ABL1: variants seen among roughly 807,000 people sequenced by gnomAD.
ABL1 encodes tyrosine-protein kinase ABL1.
ABL1 carries 11 observed loss-of-function variants against 94.7 expected under a neutral mutation model. That is an observed-to-expected ratio of 0.12 (90% CI 0.07 to 0.19). The LOEUF (loss-of-function observed/expected upper bound fraction) is 0.19, where lower values mean the gene tolerates loss of function less well. Among genes scored for constraint, ABL1 ranks in the 10% least tolerant of loss-of-function variants. ABL1 has a pLI of 1.00. For synonymous variants in ABL1, 656 were observed against 622.4 expected (o/e 1.05, Z -0.80); for missense variants, 1,082 against 1,489.4 (o/e 0.73, Z 4.50).
At chr9:130,854,369 A>C in intron 2 of ABL1, 132 bp downstream of exon 2, 2 of 1,026,162 alleles carry the variant, frequency 1.9e-6, no homozygotes, top group African/African-American at 1.6e-5. Context: ...CAAAACAACA[A>C]CTGCATGTTT....
intron 1 of ABL1, among the ~76,000 whole-genome samples, chr9:130,764,680 A>G (rs972203365): frequency 6.6e-6 from 1 of 152,210 alleles, no homozygotes; most frequent in Non-Finnish European, 1.5e-5. Context: ...GTAAAAGGCC[A>G]GGCACAGTGG....
intron 1 of ABL1, chr9:130,724,747 TAAAAAAAA>T (rs34124679): frequency 3.2e-5 from 10 of 309,618 alleles, no homozygotes; most frequent in South Asian, 1.7e-4. Context: ...ACCCTGTCTT[TAAAAAAAA>T]AAAAAAAAAA....
chr9:130,744,669 G>A (rs1207122374), intron 1 of ABL1, among the ~76,000 whole-genome samples: 1 of 150,312 alleles, frequency 6.7e-6, no homozygotes, highest in African/African-American at 2.4e-5. Flanking sequence ...TGGCTAATGT[G>A]ATGAAATGCC....
intron 1 of ABL1, among the ~76,000 whole-genome samples, chr9:130,750,414 TCCC>T (rs1831946388): frequency 3.3e-4 from 5 of 15,112 alleles, no homozygotes; most frequent in African/African-American, 6.1e-4. Context: ...CCTCCCTCCC[TCCC>T]TCCCTCCCTC....
At chr9:130,715,155 A>G (rs1831421938) in intron 1 of ABL1, among the ~76,000 whole-genome samples, 1 of 152,152 alleles carries the variant, frequency 6.6e-6, no homozygotes, top group South Asian at 2.1e-4. Context: ...CATTTTTATG[A>G]ACATATTTGG....
At chr9:130,713,145 C>T (rs1311491296) in exon 1 of ABL1, among the ~76,000 whole-genome samples, 1 of 152,176 alleles carries the variant, frequency 6.6e-6, no homozygotes, top group African/African-American at 2.4e-5. Flanking sequence ...CCGCTGTCCA[C>T]GGCCCCTACC....
At chr9:130,717,953 A>G (rs1831465027) in intron 1 of ABL1, among the ~76,000 whole-genome samples, 2 of 150,092 alleles carry the variant, frequency 1.3e-5, no homozygotes, top group East Asian at 2.0e-4. Flanking sequence ...CGGAGGTTGC[A>G]TTGAGACGAG....
At chr9:130,713,991 C>G in exon 1 of ABL1, 1 of 268,610 alleles carries the variant, frequency 3.7e-6, no homozygotes, top group Non-Finnish European at 7.1e-6. Flanking sequence ...TTCAGCATCC[C>G]CTGTGAATAT....
chr9:130,809,381 TGAGAG>T (rs1367913782), intron 1 of ABL1, among the ~76,000 whole-genome samples: 1 of 132,578 alleles, frequency 7.5e-6, no homozygotes, highest in African/African-American at 2.9e-5. Context: ...TGAAGGTTCT[TGAGAG>T]AGAGAGAGAG....
intron 1 of ABL1, among the ~76,000 whole-genome samples, chr9:130,846,904 T>G (rs1429092659): frequency 1.3e-5 from 2 of 152,252 alleles, no homozygotes; most frequent in Non-Finnish European, 2.9e-5. Context: ...TCAATTTTAC[T>G]TTAAAGACCC....
chr9:130,835,949 A>C lies in ABL1; in HGVS notation c.79+424A>C, dbSNP rs1830574699. 6.6e-6 allele frequency among the ~76,000 whole-genome samples: 1 copy of C among 152,176 alleles called. No homozygotes were observed. ...CAGGCCTTAACATCCCTGGGATCCC[A>C]CGTTGTGGAATTTCCACCGTTAATT... On this transcript the variant is annotated intron_variant, in intron 1 of 10. Transcript: ENST00000318560. This position sits in a 1 kb window ranked among gnomAD's most constrained non-coding sequence, Gnocchi z 4.6.
chr9:130,846,699 C>A (rs148199847), intron 1 of ABL1, among the ~76,000 whole-genome samples: 2 of 152,232 alleles, frequency 1.3e-5, no homozygotes, highest in African/African-American at 2.4e-5. Flanking sequence ...GTCAAGTCCC[C>A]CCTTGGGCTG....
intron 1 of ABL1, among the ~76,000 whole-genome samples, chr9:130,853,425 CT>C (rs797000466): frequency 1.3e-4 from 18 of 142,916 alleles, no homozygotes; most frequent in Non-Finnish European, 9.2e-5. Context: ...CCACCCCCGG[CT>C]TTTTTTTTTG....
rs146008880 is a variant in ABL1, at chr9:130,862,801, C to T, written c.588C>T (p.Ala196=). The change falls in exon 4 of 11, where the codon GCC becomes GCT. Residue 196 remains alanine (A), a synonymous_variant. Coordinates refer to ENST00000318560, the MANE Select transcript of ABL1 (RefSeq NM_005157.6). The surrounding 1 kb of genome is among the most constrained non-coding windows in gnomAD (Gnocchi z 5.5). ...VSSESRFNTL[A]ELVHHHSTVA... is the part of the protein sequence containing the mutation. ...CCGAGAGCCGCTTCAACACCCTGGC[C>T]GAGTTGGTTCATCATCATTCAACGG... 30 of 1,614,006 alleles carry T rather than the reference C, an allele frequency of 1.9e-5. No homozygotes were observed. Among genetic ancestry groups the T allele is most frequent in the East Asian group, 8.9e-5 (4 of 44,864 alleles).
intron 1 of ABL1, among the ~76,000 whole-genome samples, chr9:130,729,538 A>G (rs1831634499): frequency 6.6e-6 from 1 of 152,200 alleles, no homozygotes. Context: ...CCAGGCAGGA[A>G]GTTGGAAGCA....
intron 1 of ABL1, among the ~76,000 whole-genome samples, chr9:130,800,066 G>A (rs541537309): frequency 2.0e-5 from 3 of 151,782 alleles, no homozygotes; most frequent in Non-Finnish European, 2.9e-5. Flanking sequence ...GAGAGACGGG[G>A]TTTCACCATC....
intron 1 of ABL1, among the ~76,000 whole-genome samples, chr9:130,770,719 A>G (rs1254870221): frequency 6.6e-6 from 1 of 152,254 alleles, no homozygotes; most frequent in African/African-American, 2.4e-5. Context: ...TAAATGCTAT[A>G]TATCTGCTTG....
intron 1 of ABL1, among the ~76,000 whole-genome samples, chr9:130,852,013 A>G (rs1053839403): frequency 6.6e-6 from 1 of 151,996 alleles, no homozygotes; most frequent in African/African-American, 2.4e-5. Context: ...TCCTGACCTC[A>G]GGTGATCTGC....
chr9:130,755,550 T>C (rs1832031927), intron 1 of ABL1, among the ~76,000 whole-genome samples: 1 of 152,190 alleles, frequency 6.6e-6, no homozygotes, highest in East Asian at 1.9e-4. Context: ...TCAACTATAA[T>C]GATCAGAATA....
Sources: gnomAD v4.1 joint callset for allele counts (sites outside exome capture counted in the v4.1 genomes callset) on GRCh38, gnomAD v4.1.1 for gene constraint, Gnocchi (gnomAD v3.1) non-coding constraint, MANE v1.5 for transcripts, NCBI Gene and HGNC (gene_info 2026-07-23, HGNC 2026-07-21) for gene names.